KHDRBS2: variants seen among roughly 807,000 people sequenced by gnomAD.
The protein encoded by KHDRBS2 is KH RNA binding domain containing, signal transduction associated 2, also known as KH domain-containing, RNA-binding, signal transduction-associated protein 2.
A neutral mutation model predicts 44.3 loss-of-function variants in KHDRBS2; 26 were observed. That is an observed-to-expected ratio of 0.59 (90% CI 0.43 to 0.81). The LOEUF (loss-of-function observed/expected upper bound fraction) is 0.81, where lower values mean the gene tolerates loss of function less well. KHDRBS2 is among the 40% of genes least tolerant of loss of function. KHDRBS2 has a pLI of 0.00. For missense variants in KHDRBS2, 476 were observed against 433.1 expected (o/e 1.10, Z -0.88); for synonymous variants, 194 against 151.1 (o/e 1.28, Z -2.08).
intron 7 of KHDRBS2, among the ~76,000 whole-genome samples, chr6:61,702,188 A>G (rs1305746305): frequency 6.6e-6 from 1 of 151,802 alleles, no homozygotes; most frequent in South Asian, 2.1e-4. Flanking sequence ...TCAAGACTAC[A>G]TTTTCTAGTC....
the KHDRBS2 span, among the ~76,000 whole-genome samples, chr6:61,650,977 C>A: frequency 3.3e-5 from 5 of 152,042 alleles, no homozygotes; most frequent in African/African-American, 1.2e-4. Flanking sequence ...CTTACTATTT[C>A]CAATGTGTAC....
chr6:61,734,790 C>T (rs1426483489), intron 6 of KHDRBS2, among the ~76,000 whole-genome samples: 1 of 151,716 alleles, frequency 6.6e-6, no homozygotes, highest in African/African-American at 2.4e-5. Context: ...ATCAATTGTC[C>T]CAATGGTCAT....
intron 3 of KHDRBS2, among the ~76,000 whole-genome samples, chr6:61,993,058 T>C (rs1443322811): frequency 1.3e-5 from 2 of 152,138 alleles, no homozygotes; most frequent in African/African-American, 4.8e-5. Context: ...AAAATTTCTC[T>C]TGGGCCCCGA....
chr6:62,229,121 C>A (rs1832437873), intron 1 of KHDRBS2, among the ~76,000 whole-genome samples: 1 of 152,098 alleles, frequency 6.6e-6, no homozygotes. Context: ...TCTAAGTCTG[C>A]TGGTTTGTGG....
intron 1 of KHDRBS2, among the ~76,000 whole-genome samples, chr6:62,235,206 G>T (rs116322565): frequency 0.03 from 4,548 of 151,076 alleles, 169 homozygotes; most frequent in African/African-American, 0.099. Context: ...AATTGTTCAA[G>T]AAATGCTGTT....
chr6:62,083,575 C>A (rs1281138434), intron 2 of KHDRBS2, among the ~76,000 whole-genome samples: 1 of 152,100 alleles, frequency 6.6e-6, no homozygotes, highest in African/African-American at 2.4e-5. Flanking sequence ...GGGTTTTAGG[C>A]AACCCCTAGA....
intron 2 of KHDRBS2, among the ~76,000 whole-genome samples, chr6:62,094,420 A>G (rs1338095117): frequency 6.6e-6 from 1 of 151,860 alleles, no homozygotes; most frequent in Non-Finnish European, 1.5e-5. Flanking sequence ...AATTCCTTAT[A>G]TATTTTGGAT....
intron 4 of KHDRBS2, among the ~76,000 whole-genome samples, chr6:61,939,188 T>A (rs779496985): frequency 2.0e-5 from 3 of 152,192 alleles, no homozygotes; most frequent in African/African-American, 7.2e-5. Context: ...TACACATCGA[T>A]GTAATGGACT....
At chr6:61,972,756 A>G (rs975464290) in intron 4 of KHDRBS2, among the ~76,000 whole-genome samples, 6 of 152,156 alleles carry the variant, frequency 3.9e-5, no homozygotes, top group African/African-American at 1.4e-4. Context: ...TGTATCTGCC[A>G]TCTCTCACCT....
chr6:62,285,010 T>C (rs2150199657), intron 1 of KHDRBS2, among the ~76,000 whole-genome samples: 2 of 152,170 alleles, frequency 1.3e-5, no homozygotes, highest in East Asian at 3.8e-4. Flanking sequence ...GCAGATGTTT[T>C]AAAAAGGCAT....
chr6:61,592,762 T>C, the KHDRBS2 span, among the ~76,000 whole-genome samples: 1 of 152,168 alleles, frequency 6.6e-6, no homozygotes, highest in African/African-American at 2.4e-5. Context: ...ATAGAGAGAA[T>C]TGGCTTAGAG....
intron 1 of KHDRBS2, among the ~76,000 whole-genome samples, chr6:62,279,083 G>C (rs757612320): frequency 1.3e-5 from 2 of 151,868 alleles, no homozygotes; most frequent in African/African-American, 2.4e-5. Flanking sequence ...GACAGAGCCA[G>C]ACTCCATCTC....
At chr6:61,603,970 C>A in the KHDRBS2 span, among the ~76,000 whole-genome samples, 1 of 152,202 alleles carries the variant, frequency 6.6e-6, no homozygotes, top group East Asian at 1.9e-4. Flanking sequence ...CACTCACCAG[C>A]AAAGGCAGGC....
intron 6 of KHDRBS2, among the ~76,000 whole-genome samples, chr6:61,842,660 C>T (rs1336527764): frequency 6.6e-6 from 1 of 152,122 alleles, no homozygotes; most frequent in African/African-American, 2.4e-5. Context: ...AATAGTGCAG[C>T]TGCTTTATGA....
At chr6:61,697,010 T>A (rs1035890545) in intron 8 of KHDRBS2, among the ~76,000 whole-genome samples, 185 bp downstream of exon 8, 11 of 152,200 alleles carry the variant, frequency 7.2e-5, no homozygotes, top group African/African-American at 2.7e-4. Context: ...AAAATTTTGA[T>A]CAAAATTGAT....
intron 2 of KHDRBS2, among the ~76,000 whole-genome samples, chr6:62,099,596 C>T (rs1021486789): frequency 6.6e-6 from 1 of 152,120 alleles, no homozygotes; most frequent in African/African-American, 2.4e-5. Flanking sequence ...GGGCTGTGAC[C>T]CATGCTGGAC....
intron 4 of KHDRBS2, among the ~76,000 whole-genome samples, chr6:61,954,922 G>GTATA (rs770349246): frequency 0.29 from 5,990 of 21,004 alleles, 851 homozygotes; most frequent in Middle Eastern, 0.36. Flanking sequence ...ACATATATAT[G>GTATA]TATACACATA....
the KHDRBS2 span, among the ~76,000 whole-genome samples, chr6:61,657,512 A>C: frequency 6.6e-6 from 1 of 151,984 alleles, no homozygotes; most frequent in South Asian, 2.1e-4. Context: ...ACATAAGCAA[A>C]ATAGTTTTTG....
At chr6:61,716,172 T>C (rs1383814982) in intron 7 of KHDRBS2, among the ~76,000 whole-genome samples, 1 of 151,934 alleles carries the variant, frequency 6.6e-6, no homozygotes, top group Non-Finnish European at 1.5e-5. Context: ...TGCCATGCTA[T>C]GAGGAAGCCT....
Sources: allele counts gnomAD v4.1 joint callset (sites outside exome capture counted in the v4.1 genomes callset), GRCh38; gene constraint gnomAD v4.1.1; transcripts MANE v1.5; gene names NCBI Gene and HGNC (gene_info 2026-07-23, HGNC 2026-07-21).